The following GLG1 variants were observed in gnomAD, a reference collection of about 807,000 sequenced individuals.
GLG1 encodes golgi glycoprotein 1.
GLG1 carries 38 observed loss-of-function variants against 160.5 expected under a neutral mutation model. That is an observed-to-expected ratio of 0.24 (90% CI 0.18 to 0.31). The LOEUF (loss-of-function observed/expected upper bound fraction) is 0.31, where lower values mean the gene tolerates loss of function less well. Among genes scored for constraint, GLG1 ranks in the 10% least tolerant of loss-of-function variants. The probability of loss-of-function intolerance (pLI) is 1.00; values close to 1 mark genes in which losing one functional copy is unlikely to be tolerated. For missense variants in GLG1, 1,373 were observed against 1,505.2 expected (o/e 0.91, Z 1.45); for synonymous variants, 644 against 543.4 (o/e 1.19, Z -2.57).
At chr16:74,584,787 G>A (rs947807650) in intron 1 of GLG1, among the ~76,000 whole-genome samples, 16 of 151,858 alleles carry the variant, frequency 1.1e-4, no homozygotes, top group Middle Eastern at 3.2e-3. Context: ...GTGGTGGTGC[G>A]CGCCTGTAGT....
intron 1 of GLG1, among the ~76,000 whole-genome samples, chr16:74,539,322 C>T (rs1314552675): frequency 6.6e-6 from 1 of 151,866 alleles, no homozygotes; most frequent in African/African-American, 2.4e-5. Context: ...TATAGGAACA[C>T]GTTAAGTTTT....
chr16:74,472,792 T>A, intron 13 of GLG1: 2 of 367,044 alleles, frequency 5.4e-6, no homozygotes, highest in South Asian at 4.2e-5. Context: ...TATAAGCTCA[T>A]AAGCCAGAGC....
At chr16:74,498,802 T>C (rs374491429) in intron 4 of GLG1, among the ~76,000 whole-genome samples, 1 of 132,692 alleles carries the variant, frequency 7.5e-6, no homozygotes, top group Non-Finnish European at 1.5e-5. Flanking sequence ...GAGGCGGAGG[T>C]TGCAGTGAGC....
At chr16:74,598,337 T>G (rs1014106050) in intron 1 of GLG1, among the ~76,000 whole-genome samples, 1 of 150,402 alleles carries the variant, frequency 6.6e-6, no homozygotes, top group African/African-American at 2.4e-5. Context: ...CTGGCCAACA[T>G]GGTGAAACCC....
intron 1 of GLG1, among the ~76,000 whole-genome samples, chr16:74,569,458 C>G (rs903210200): frequency 6.6e-6 from 1 of 152,176 alleles, no homozygotes; most frequent in Non-Finnish European, 1.5e-5. Context: ...CTGTCATTCA[C>G]AAACCTGGAA....
chr16:74,518,459 C>T (rs985004460), intron 2 of GLG1, among the ~76,000 whole-genome samples: 1 of 152,142 alleles, frequency 6.6e-6, no homozygotes, highest in Admixed American at 6.5e-5. Flanking sequence ...AAAAGATTCC[C>T]TATTTAATAA....
chr16:74,456,841 C>G, intron 24 of GLG1, 86 bp from the exon 25 acceptor site: 2 of 825,636 alleles, frequency 2.4e-6, no homozygotes. Flanking sequence ...GGGTGCACAA[C>G]CACCAGAGAA....
At chr16:74,536,899 T>G (rs904572635) in intron 1 of GLG1, among the ~76,000 whole-genome samples, 16 of 152,332 alleles carry the variant, frequency 1.1e-4, no homozygotes, top group Non-Finnish European at 2.2e-4. Flanking sequence ...GCTCCTAGCC[T>G]GTGGAGGCAT....
intron 8 of GLG1, among the ~76,000 whole-genome samples, chr16:74,486,714 T>C (rs1294676341): frequency 2.0e-5 from 3 of 152,196 alleles, no homozygotes; most frequent in African/African-American, 7.2e-5. Context: ...CTGAGTTCTA[T>C]TAATAGTTCT....
rs1000804954 is a variant in GLG1, at chr16:74,452,421, C to G, written c.*746G>C. The G allele has an allele frequency of 4.3e-6, 5 of 1,170,872 alleles. No homozygotes were observed. In the African/African-American group the frequency reaches 7.7e-5, roughly 18 times the overall value. 72.5% of individuals were successfully genotyped at this position (1,170,872 alleles called of 1,614,324 possible). Reference sequence around the variant, plus strand: ...ACAAACTTCCGGTCCCTTCCCCTCCCCAGCTGCCCTTGTCTAGGAAGGCTC... The same window carrying G: ...ACAAACTTCCGGTCCCTTCCCCTCCGCAGCTGCCCTTGTCTAGGAAGGCTC... On this transcript the variant is annotated 3_prime_UTR_variant, in exon 26 of 26. Transcript: ENST00000422840.
intron 1 of GLG1, among the ~76,000 whole-genome samples, chr16:74,580,676 A>C (rs1004551816): frequency 6.6e-6 from 1 of 152,224 alleles, no homozygotes; most frequent in African/African-American, 2.4e-5. Context: ...GATAAAGTAA[A>C]CTACATCAAA....
At chr16:74,577,174 C>T (rs962205927) in intron 1 of GLG1, among the ~76,000 whole-genome samples, 3 of 152,182 alleles carry the variant, frequency 2.0e-5, no homozygotes, top group Non-Finnish European at 4.4e-5. Context: ...GATCCTCCCA[C>T]CTTGGCCTCC....
intron 5 of GLG1, among the ~76,000 whole-genome samples, chr16:74,496,131 G>A (rs2016177477): frequency 6.6e-6 from 1 of 152,118 alleles, no homozygotes; most frequent in Non-Finnish European, 1.5e-5. Flanking sequence ...GGCCAGGCAA[G>A]ATGGTGCTTG....
chr16:74,605,836 C>T (rs1338974916), intron 1 of GLG1, among the ~76,000 whole-genome samples: 2 of 152,126 alleles, frequency 1.3e-5, no homozygotes, highest in African/African-American at 4.8e-5. Context: ...GAAAAAGTTA[C>T]TACTGTCAGA....
intron 1 of GLG1, among the ~76,000 whole-genome samples, chr16:74,569,525 G>C (rs183244708): frequency 6.6e-6 from 1 of 152,012 alleles, no homozygotes; most frequent in Admixed American, 6.6e-5. Context: ...ACAGAGTCTA[G>C]CTTATCATTA....
At chr16:74,511,560 G>C (rs1010709021) in intron 2 of GLG1, among the ~76,000 whole-genome samples, 1 of 132,270 alleles carries the variant, frequency 7.6e-6, no homozygotes, top group African/African-American at 2.9e-5. Flanking sequence ...GCTGAGGCAG[G>C]AGAATAACTT....
rs867507481 is a variant in GLG1 at position 74,503,729 on chromosome 16, A to C, written c.576T>G (p.Asp192Glu). ...CCATGTAACCTTTTCCAACCGGTTC[A>C]TCAGCACATTCTTTAATCTGCTCAA... ...STITEIKECA[D>E]EPVGKGYMVS... Residue 192 changes from aspartate to glutamate, a missense_variant, in exon 4 of 26, where the codon GAT becomes GAG. Around this residue, in one of 4 missense-constraint regions of GLG1, gnomAD observed 322 missense variants for 254.6 expected, o/e 1.26. Coordinates refer to ENST00000422840, the MANE Select transcript of GLG1 (RefSeq NM_001145667.2). 8.1e-6 allele frequency: 13 copies of C among 1,610,510 alleles called. No homozygotes were observed. Among genetic ancestry groups the C allele is most frequent in the Non-Finnish European group, 1.1e-5 (13 of 1,176,696 alleles).
At chr16:74,601,382 C>A (rs1958435807) in intron 1 of GLG1, among the ~76,000 whole-genome samples, 1 of 151,096 alleles carries the variant, frequency 6.6e-6, no homozygotes. Context: ...GAGTTAGAGA[C>A]CAACCTGGGC....
chr16:74,583,626 G>A (rs376434127), intron 1 of GLG1, among the ~76,000 whole-genome samples: 12 of 152,112 alleles, frequency 7.9e-5, no homozygotes, highest in South Asian at 2.1e-4. Context: ...GTGATCCACC[G>A]GCCTCAGCCT....
Sources: gnomAD v4.1 joint callset for allele counts (sites outside exome capture counted in the v4.1 genomes callset) on GRCh38, gnomAD v4.1.1 for gene constraint, gnomAD v4.1.1 regional missense constraint, MANE v1.5 for transcripts, NCBI Gene and HGNC (gene_info 2026-07-23, HGNC 2026-07-21) for gene names.